TNRC6B: variants seen among roughly 807,000 people sequenced by gnomAD.
The protein encoded by TNRC6B is trinucleotide repeat containing adaptor 6B, also known as trinucleotide repeat-containing gene 6B protein.
TNRC6B carries 52 observed loss-of-function variants against 203.6 expected under a neutral mutation model. The observed-to-expected ratio is 0.26, with a 90% confidence interval of 0.20 to 0.32. The LOEUF (loss-of-function observed/expected upper bound fraction) is 0.32, where lower values mean the gene tolerates loss of function less well. Ranked by LOEUF, TNRC6B falls within the 10% of genes least tolerant of loss-of-function variation. The pLI, the probability that TNRC6B is intolerant of heterozygous loss-of-function variation, is 1.00. For synonymous variants in TNRC6B, 838 were observed against 845.7 expected (o/e 0.99, Z 0.16); for missense variants, 1,923 against 2,286.2 (o/e 0.84, Z 3.24).
intron 1 of TNRC6B, among the ~76,000 whole-genome samples, chr22:40,219,785 A>G (rs1190762115): frequency 2.6e-5 from 4 of 152,014 alleles, no homozygotes; most frequent in Non-Finnish European, 5.9e-5. Context: ...TCCTCTCTAC[A>G]TTCTGTCCTA....
chr22:40,211,228 G>A (rs749579622), intron 1 of TNRC6B, among the ~76,000 whole-genome samples: 1 of 152,004 alleles, frequency 6.6e-6, no homozygotes, highest in Non-Finnish European at 1.5e-5. Flanking sequence ...CTACAGGTGT[G>A]TGCCGCCACG....
At chr22:40,231,053 C>CTATA (rs527765934) in intron 1 of TNRC6B, among the ~76,000 whole-genome samples, 6 of 147,982 alleles carry the variant, frequency 4.1e-5, no homozygotes, top group Admixed American at 1.4e-4. Flanking sequence ...CTCTCTCTCT[C>CTATA]TATATATATA....
chr22:40,197,600 C>G (rs367828640), intron 1 of TNRC6B, among the ~76,000 whole-genome samples: 1 of 137,954 alleles, frequency 7.2e-6, no homozygotes, highest in African/African-American at 3.0e-5. Context: ...AGGCGTTTTT[C>G]TTTTTCTTTT....
intron 1 of TNRC6B, among the ~76,000 whole-genome samples, chr22:40,228,749 C>A (rs1303697997): frequency 6.6e-6 from 1 of 151,812 alleles, no homozygotes; most frequent in Non-Finnish European, 1.5e-5. Context: ...TGGTCTCGAT[C>A]TCCTGACCTC....
intron 3 of TNRC6B, chr22:40,253,571 C>G (rs115812309): frequency 4.4e-6 from 2 of 455,902 alleles, no homozygotes; most frequent in Non-Finnish European, 8.8e-6. Flanking sequence ...TTCACAGTCT[C>G]CCTACTCTCC....
At chr22:40,298,357 T>TA (rs2070973884) in intron 12 of TNRC6B, among the ~76,000 whole-genome samples, 1 of 152,170 alleles carries the variant, frequency 6.6e-6, no homozygotes, top group Non-Finnish European at 1.5e-5. Flanking sequence ...TACTTGGTGT[T>TA]AGACTACTCT....
chr22:40,185,108 A>C (rs2146385803), intron 1 of TNRC6B, among the ~76,000 whole-genome samples: 1 of 152,298 alleles, frequency 6.6e-6, no homozygotes, highest in East Asian at 1.9e-4. Context: ...CTCCTGTCTC[A>C]GCCTCCCGAG....
rs111831647 is a variant in TNRC6B at position 40,237,010 on chromosome 22, C to G, written c.6-9005C>G. On this transcript the variant is annotated intron_variant, in intron 1 of 22. Coordinates refer to ENST00000454349, the MANE Select transcript of TNRC6B (RefSeq NM_001162501.2). ...TGAAACCCCATCTCTACTAAAAATA[C>G]AAAAATTAGCTGGGCGTGGTGGTGC... Among the ~76,000 whole-genome samples the G allele has an allele frequency of 3.5e-4, 53 of 152,174 alleles. 2 individuals are homozygous for G. The highest frequency in any genetic ancestry group is 1.3e-3 in the African/African-American group (52 of 41,524).
intron 3 of TNRC6B, among the ~76,000 whole-genome samples, chr22:40,150,281 G>A (rs563388739): frequency 1.3e-5 from 2 of 152,324 alleles, no homozygotes; most frequent in South Asian, 2.1e-4. Context: ...GGGAGGCTGA[G>A]GCAGGAGAAT....
rs1282694632 is a variant in TNRC6B at position 40,132,969 on chromosome 22, A to AAATATATAT, written c.45+7108_45+7109insATATATATA. Among the ~76,000 whole-genome samples the AAATATATAT allele has an allele frequency of 4.5e-3, 348 of 78,126 alleles. 3 individuals are homozygous for AAATATATAT. Among genetic ancestry groups the AAATATATAT allele is most frequent in the African/African-American group, 0.013 (333 of 25,116 alleles). 51.3% of individuals were successfully genotyped at this position (78,126 alleles called of 152,430 possible). On this transcript the variant is annotated intron_variant, in intron 3 of 23. Transcript: ENST00000301923. Reference sequence around the variant, plus strand: ...AAAAAAAAAAAAAAAAAAAAAAAAAAATATATATATATATATATATATTCT... The same window carrying AAATATATAT: ...AAAAAAAAAAAAAAAAAAAAAAAAAAAATATATATATATATATATATATATATATATTCT...
intron 2 of TNRC6B, among the ~76,000 whole-genome samples, chr22:40,121,595 C>T (rs1429537298): frequency 6.6e-6 from 1 of 152,238 alleles, no homozygotes; most frequent in Non-Finnish European, 1.5e-5. Context: ...TTTGCTGAGG[C>T]CAGCACAGCT....
chr22:40,064,304 T>G (rs2067877546), intron 1 of TNRC6B, among the ~76,000 whole-genome samples: 1 of 152,200 alleles, frequency 6.6e-6, no homozygotes, highest in South Asian at 2.1e-4. Flanking sequence ...TGGATATTTA[T>G]CTTGTTTTTG....
intron 2 of TNRC6B, among the ~76,000 whole-genome samples, chr22:40,121,579 A>C (rs748149532): frequency 6.6e-6 from 1 of 152,236 alleles, no homozygotes; most frequent in Non-Finnish European, 1.5e-5. Flanking sequence ...CTAATGCCCT[A>C]TTCCCTTTGC....
chr22:40,178,079 ATTTCCATTTCTACC>A lies in TNRC6B; in HGVS notation c.-54_-41del. The A allele has an allele frequency of 3.8e-6, 6 of 1,595,990 alleles. No homozygotes were observed. The South Asian group carries it at 5.7e-5, about 15-fold the overall frequency. ...GAATTCATTTTTTGGACCTTTTTTC[ATTTCCATTTCTACC>A]TTGTATGCCTCAATTTGCTGGATTT... On this transcript the variant is annotated 5_prime_UTR_variant, in exon 1 of 23. Transcript: ENST00000454349.
At chr22:40,109,052 C>T (rs1166795428) in intron 1 of TNRC6B, among the ~76,000 whole-genome samples, 2 of 151,672 alleles carry the variant, frequency 1.3e-5, no homozygotes, top group African/African-American at 4.8e-5. Context: ...TCTGTTCCTG[C>T]ATTAGTTTGC....
chr22:40,122,468 G>C (rs1341331859), intron 2 of TNRC6B, among the ~76,000 whole-genome samples: 2 of 152,186 alleles, frequency 1.3e-5, no homozygotes, highest in African/African-American at 4.8e-5. Context: ...TAGTTGTGAG[G>C]GTCCTGTGTT....
At chr22:40,221,751 G>C (rs1601895920) in intron 1 of TNRC6B, among the ~76,000 whole-genome samples, 7 of 112,726 alleles carry the variant, frequency 6.2e-5, no homozygotes, top group East Asian at 7.8e-4. Context: ...CCTTCTTATT[G>C]CCCCCCCCCC....
rs143837244 is a variant in TNRC6B at position 40,153,616 on chromosome 22, T to C, written c.46-2499T>C. On this transcript the variant is annotated intron_variant, in intron 3 of 23. Transcript: ENST00000301923. ...ATTAGTTCCAGGGAAACCAAAATTA[T>C]ACAAGAAAGGAAATTTAATTATAGC... 4.6e-5 allele frequency among the ~76,000 whole-genome samples: 7 copies of C among 151,234 alleles called. 1 individual carries two copies. Among genetic ancestry groups the C allele is most frequent in the East Asian group, 1.9e-4 (1 of 5,166 alleles).
At chr22:40,193,449 C>G (rs993962701) in intron 1 of TNRC6B, among the ~76,000 whole-genome samples, 2 of 152,198 alleles carry the variant, frequency 1.3e-5, no homozygotes, top group Non-Finnish European at 1.5e-5. Flanking sequence ...TTGAAAAATG[C>G]TGCCCTGGTT....
Sources: gnomAD v4.1 joint callset for allele counts (sites outside exome capture counted in the v4.1 genomes callset) on GRCh38, gnomAD v4.1.1 for gene constraint, MANE v1.5 for transcripts, NCBI Gene and HGNC (gene_info 2026-07-23, HGNC 2026-07-21) for gene names.